Variants in CYSLTR1 observed in about 807,000 individuals in gnomAD.
CYSLTR1 encodes the protein G-protein coupled receptor HG55.
Under a neutral mutation model 2.1 loss-of-function variants are expected in CYSLTR1, and 1 was observed. That is an observed-to-expected ratio of 0.48 (90% CI 0.17 to 2.28). The LOEUF is 2.28. CYSLTR1 is among the 30% of genes most tolerant of loss of function. CYSLTR1 has a pLI of 0.26. For synonymous variants in CYSLTR1, 110 were observed against 89.6 expected (o/e 1.23, Z -1.28); for missense variants, 299 against 250.1 (o/e 1.20, Z -1.32).
intron 1 of CYSLTR1, among the ~76,000 whole-genome samples, chrX:78,285,871 A>G (rs750672450): frequency 8.9e-6 from 1 of 111,840 alleles, no homozygotes; most frequent in African/African-American, 3.3e-5. Flanking sequence ...AGCTCTGCCA[A>G]TACTGGGCTC....
intron 1 of CYSLTR1, among the ~76,000 whole-genome samples, chrX:78,322,432 C>G (rs766608129): frequency 4.5e-5 from 5 of 112,001 alleles, no homozygotes; most frequent in Non-Finnish European, 9.4e-5. Flanking sequence ...TTTGACCACA[C>G]CACCCCACAA....
intron 1 of CYSLTR1, among the ~76,000 whole-genome samples, chrX:78,323,616 T>G (rs1923749480): frequency 8.9e-6 from 1 of 112,204 alleles, no homozygotes; most frequent in Non-Finnish European, 1.9e-5. Context: ...ACTGTTAATC[T>G]GAAATTTATG....
At chrX:78,303,791 A>T (rs188213204) in intron 1 of CYSLTR1, among the ~76,000 whole-genome samples, 1 of 111,860 alleles carries the variant, frequency 8.9e-6, no homozygotes, top group Admixed American at 9.5e-5. Context: ...CTCAGGCTTC[A>T]GTGGATGATT....
chrX:78,278,859 T>A (rs320989), intron 2 of CYSLTR1, among the ~76,000 whole-genome samples: 2 of 110,846 alleles, frequency 1.8e-5, no homozygotes, highest in African/African-American at 6.6e-5. Context: ...CATGGAGAAG[T>A]GACTTCCTAT....
intron 1 of CYSLTR1, among the ~76,000 whole-genome samples, chrX:78,321,942 T>C (rs1247085052): frequency 1.8e-5 from 2 of 111,536 alleles, no homozygotes; most frequent in Non-Finnish European, 3.8e-5. Flanking sequence ...TAGTAAATGC[T>C]AGCATGCACT....
At chrX:78,279,270 C>A (rs1008807548) in intron 2 of CYSLTR1, among the ~76,000 whole-genome samples, 5 of 110,250 alleles carry the variant, frequency 4.5e-5, no homozygotes, top group Non-Finnish European at 9.5e-5. Context: ...CAAAAAAAAA[C>A]CTGTTAAAAA....
chrX:78,280,185 A>T (rs1921776022), intron 2 of CYSLTR1, among the ~76,000 whole-genome samples: 1 of 110,869 alleles, frequency 9.0e-6, no homozygotes, highest in African/African-American at 3.3e-5. Flanking sequence ...ATTATTTCTC[A>T]GTTTGCTTTC....
rs1210278611 is a variant in CYSLTR1, at chrX:78,272,119, G to C, written c.*614C>G. On this transcript the variant is annotated 3_prime_UTR_variant, in exon 3 of 3. Transcript: ENST00000373304. ...ACCAGATTTCTCCTGTTGCCATATT[G>C]AACATTGTATGGTGCTTTTAGGACC... 6 of 111,663 alleles carry C rather than the reference G, an allele frequency of 5.4e-5. No homozygotes were observed. The Admixed American group carries it at 5.8e-4, about 11-fold the overall frequency. The allele number at this position is 111,663 out of a possible 1,213,427, so 9.2% of individuals were successfully genotyped here. A position where few individuals can be genotyped will look rare whatever the true frequency, so the allele number is the denominator to read the frequency against.
intron 1 of CYSLTR1, among the ~76,000 whole-genome samples, chrX:78,315,890 A>AT (rs1443335992): frequency 1.3e-4 from 15 of 111,819 alleles, no homozygotes; most frequent in Admixed American, 4.7e-4. Flanking sequence ...CTGATTATAG[A>AT]TCCCCAGGGC....
At chrX:78,320,489 T>C (rs1287927625) in intron 1 of CYSLTR1, 3 of 110,104 alleles carry the variant, frequency 2.7e-5, no homozygotes, top group Non-Finnish European at 5.6e-5. Context: ...TTGCTACCAG[T>C]ACCATGTTGT....
intron 1 of CYSLTR1, among the ~76,000 whole-genome samples, chrX:78,312,669 C>A (rs1156884980): frequency 2.7e-5 from 3 of 112,023 alleles, no homozygotes; most frequent in East Asian, 2.8e-4. Flanking sequence ...CAGGAACAGA[C>A]CCTTCTTAAA....
intron 2 of CYSLTR1, among the ~76,000 whole-genome samples, chrX:78,279,220 G>T (rs760485337): frequency 9.0e-6 from 1 of 110,718 alleles, no homozygotes; most frequent in South Asian, 3.8e-4. Context: ...TCCAACAAAG[G>T]TCTAATATCC....
intron 1 of CYSLTR1, among the ~76,000 whole-genome samples, chrX:78,299,590 G>T (rs1376846365): frequency 9.1e-6 from 1 of 110,298 alleles, no homozygotes; most frequent in African/African-American, 3.3e-5. Flanking sequence ...TTCTCCTTCA[G>T]CACTTTAAAT....
chrX:78,307,778 A>C (rs1016272747), intron 1 of CYSLTR1, among the ~76,000 whole-genome samples: 1 of 111,911 alleles, frequency 8.9e-6, no homozygotes, highest in African/African-American at 3.2e-5. Context: ...GAGTGGCAGC[A>C]GCAGAAGTGT....
intron 2 of CYSLTR1, among the ~76,000 whole-genome samples, chrX:78,276,197 C>T (rs1201915891): frequency 8.9e-6 from 1 of 111,899 alleles, no homozygotes; most frequent in Non-Finnish European, 1.9e-5. Context: ...TCAGCTCTGT[C>T]ACTGAGGGCA....
chrX:78,321,254 A>T (rs1270310246), intron 1 of CYSLTR1: 1 of 108,594 alleles, frequency 9.2e-6, no homozygotes, highest in Non-Finnish European at 1.9e-5. Context: ...GTAGGGTAGA[A>T]TCTATTTAAA....
At chrX:78,303,223 C>T (rs1922892164) in intron 1 of CYSLTR1, among the ~76,000 whole-genome samples, 1 of 111,369 alleles carries the variant, frequency 9.0e-6, no homozygotes, top group South Asian at 3.8e-4. Context: ...AGTTCAATGC[C>T]TCACAATTGC....
chrX:78,280,105 C>G (rs1921772474), intron 2 of CYSLTR1, among the ~76,000 whole-genome samples: 1 of 110,354 alleles, frequency 9.1e-6, no homozygotes, highest in South Asian at 3.9e-4. Flanking sequence ...ATCCTCCCCA[C>G]CCCCCAAAAT....
intron 1 of CYSLTR1, among the ~76,000 whole-genome samples, chrX:78,321,905 C>T (rs775538394): frequency 1.7e-4 from 19 of 111,229 alleles, no homozygotes; most frequent in East Asian, 8.5e-4. Context: ...TTAAGTTATA[C>T]GCCTGCCAAG....
Sources: gnomAD v4.1 joint callset for allele counts (sites outside exome capture counted in the v4.1 genomes callset) on GRCh38, gnomAD v4.1.1 for gene constraint, MANE v1.5 for transcripts, NCBI Gene and HGNC (gene_info 2026-07-23, HGNC 2026-07-21) for gene names.